The following ERBIN variants were observed in gnomAD, a reference collection of about 807,000 sequenced individuals.
The protein encoded by ERBIN is densin-180-like protein.
ERBIN carries 60 observed loss-of-function variants against 158.4 expected under a neutral mutation model. The ratio of observed to expected loss-of-function variants is 0.38; its 90% CI spans 0.31 to 0.47. ERBIN has a LOEUF of 0.47. ERBIN is among the 20% of genes least tolerant of loss of function. ERBIN has a pLI of 0.99. For missense variants in ERBIN, 1,610 were observed against 1,648.0 expected (o/e 0.98, Z 0.40); for synonymous variants, 594 against 557.2 (o/e 1.07, Z -0.93).
At chr5:65,971,845 G>A (rs866238860) in intron 1 of ERBIN, among the ~76,000 whole-genome samples, 6 of 152,126 alleles carry the variant, frequency 3.9e-5, no homozygotes, top group Non-Finnish European at 7.3e-5. Context: ...TCAGGTGCCC[G>A]TTCCCTTTCC....
intron 21 of ERBIN, among the ~76,000 whole-genome samples, chr5:66,067,452 A>G (rs899600817): frequency 1.3e-5 from 2 of 152,226 alleles, no homozygotes; most frequent in African/African-American, 4.8e-5. Flanking sequence ...ACTCAGGGAC[A>G]TGACTAAAGG....
intron 1 of ERBIN, among the ~76,000 whole-genome samples, chr5:65,953,213 G>A (rs1475562293): frequency 6.6e-6 from 1 of 152,168 alleles, no homozygotes; most frequent in Non-Finnish European, 1.5e-5. Flanking sequence ...GCATACAGTT[G>A]ACTCTTGGTA....
intron 4 of ERBIN, among the ~76,000 whole-genome samples, chr5:65,997,110 A>C (rs1752521874): frequency 6.6e-6 from 1 of 152,100 alleles, no homozygotes; most frequent in Admixed American, 6.6e-5. Flanking sequence ...GAATCCTTTT[A>C]TTTCTTTCTC....
At chr5:66,059,679 A>G (rs1026937558) in intron 21 of ERBIN, among the ~76,000 whole-genome samples, 1 of 152,170 alleles carries the variant, frequency 6.6e-6, no homozygotes, top group Admixed American at 6.5e-5. Context: ...TGGGTTTGTC[A>G]TAGACAGCTC....
intron 7 of ERBIN, among the ~76,000 whole-genome samples, chr5:66,018,404 G>T (rs79014430): frequency 0.015 from 1,393 of 91,514 alleles, 117 homozygotes; most frequent in African/African-American, 0.069. Context: ...TCTTAGGTAT[G>T]TTATATGTAT....
intron 1 of ERBIN, among the ~76,000 whole-genome samples, chr5:65,932,903 C>G (rs1478614161): frequency 6.6e-6 from 1 of 152,054 alleles, no homozygotes; most frequent in African/African-American, 2.4e-5. Context: ...CTCAAGCTAT[C>G]CTGTCACCTC....
At chr5:65,930,445 C>T (rs1561256140) in intron 1 of ERBIN, among the ~76,000 whole-genome samples, 3 of 151,854 alleles carry the variant, frequency 2.0e-5, no homozygotes, top group Non-Finnish European at 2.9e-5. Context: ...GTAGCTGGGA[C>T]TAGAGGCGCC....
intron 14 of ERBIN, among the ~76,000 whole-genome samples, chr5:66,030,741 T>A (rs907372464): frequency 1.3e-5 from 2 of 151,678 alleles, no homozygotes; most frequent in African/African-American, 2.4e-5. Context: ...TTTTTTTTTT[T>A]AACGTTTTTA....
chr5:65,955,131 TAAAA>T (rs982751100), intron 1 of ERBIN, among the ~76,000 whole-genome samples: 3 of 152,050 alleles, frequency 2.0e-5, no homozygotes, highest in Admixed American at 6.6e-5. Context: ...ACTTTTATGT[TAAAA>T]AAAGTCTTAA....
At chr5:65,987,760 G>A (rs911990248) in intron 1 of ERBIN, among the ~76,000 whole-genome samples, 3 of 151,012 alleles carry the variant, frequency 2.0e-5, no homozygotes, top group South Asian at 2.1e-4. Flanking sequence ...CAGGAGAATC[G>A]CTTGAACCTA....
rs184531076 is a variant in ERBIN at position 66,031,761 on chromosome 5, G to A, written c.1206+3418G>A. 2.1e-3 allele frequency among the ~76,000 whole-genome samples: 324 copies of A among 152,288 alleles called. 2 individuals are homozygous for A. Among genetic ancestry groups the A allele is most frequent in the African/African-American group, 7.6e-3 (316 of 41,556 alleles). ...GCTGGAGGATCCTTTGAGCCCAGGA[G>A]TTCTAGGTTATAGTGAGCTATGAGC... On this transcript the variant is annotated intron_variant, in intron 14 of 25. Transcript: ENST00000284037.
chr5:65,965,471 C>G (rs1748495252), intron 1 of ERBIN, among the ~76,000 whole-genome samples: 1 of 144,438 alleles, frequency 6.9e-6, no homozygotes, highest in Non-Finnish European at 1.5e-5. Flanking sequence ...AGTGGGCGAT[C>G]TTGGCTCACT....
intron 7 of ERBIN, among the ~76,000 whole-genome samples, chr5:66,020,435 A>G (rs1436195441): frequency 6.6e-6 from 1 of 151,966 alleles, no homozygotes; most frequent in Non-Finnish European, 1.5e-5. Flanking sequence ...TTAACATATT[A>G]ATGTAATATA....
At position 66,046,412 on chromosome 5, in the gene ERBIN, A is replaced by T. The variant is rs779702171; in HGVS notation, c.1662A>T (p.Ile554=). The T allele has an allele frequency of 6.2e-6, 10 of 1,607,496 alleles. No individual in the cohort carries two copies. The highest frequency in any genetic ancestry group is 8.5e-6 in the Non-Finnish European group (10 of 1,175,756). The change falls in exon 18 of 26, where the codon ATA becomes ATT. Residue 554 remains isoleucine (I), a synonymous_variant. Coordinates refer to ENST00000284037, the MANE Select transcript of ERBIN (RefSeq NM_001253697.2). ...TTGATGAAAGAGAAAAATATATGAT[A>T]GGAAACTCTGTACAGAAGATCAGTG... is the stretch of plus-strand genomic sequence containing the variant. ...SKVDEREKYM[I]GNSVQKISEP... is the part of the protein sequence containing the mutation.
At chr5:66,069,109 G>T in intron 21 of ERBIN, 1 of 1,231,428 alleles carries the variant, frequency 8.1e-7, no homozygotes, top group Non-Finnish European at 1.1e-6. Flanking sequence ...GAAAAAAAAT[G>T]TTTACTCTGG....
Position 66,026,287 on chromosome 5 carries a change from A to G in ERBIN, c.1021-15A>G. 2 of 1,547,580 alleles carry G rather than the reference A, an allele frequency of 1.3e-6. No homozygotes were observed. Among genetic ancestry groups the G allele is most frequent in the Non-Finnish European group, 1.7e-6 (2 of 1,146,196 alleles). ...GGCCAAATTTTTTGATACTCAGTTT[A>G]TATTTCTCTTTCAGATTGGAAGCTG... On this transcript the variant is annotated splice_polypyrimidine_tract_variant and intron_variant, in intron 12 of 25. Coordinates refer to ENST00000284037, the MANE Select transcript of ERBIN (RefSeq NM_001253697.2).
Position 66,028,211 on chromosome 5 carries a change from C to A in ERBIN, c.1137-63C>A, listed in dbSNP as rs886382775. On this transcript the variant is annotated intron_variant, in intron 13 of 25. Transcript: ENST00000284037. ...TTTTCAGAAAACCTTTAGGTTGAAC[C>A]CTCATTCATTTTAAATCTTCTCATT... 22 of 1,247,722 alleles carry A rather than the reference C, an allele frequency of 1.8e-5. No homozygotes were observed. In the East Asian group the frequency reaches 4.9e-4, roughly 28 times the overall value. The allele number at this position is 1,247,722 out of a possible 1,614,324, so 77.3% of individuals were successfully genotyped here. A position where few individuals can be genotyped will look rare whatever the true frequency, so the allele number is the denominator to read the frequency against.
chr5:66,070,081 G>T (rs930119798), intron 21 of ERBIN, among the ~76,000 whole-genome samples: 1 of 151,456 alleles, frequency 6.6e-6, no homozygotes, highest in Non-Finnish European at 1.5e-5. Flanking sequence ...TTTTGTTCTT[G>T]TTGCCCAGGC....
intron 1 of ERBIN, among the ~76,000 whole-genome samples, chr5:65,949,022 C>G (rs1253781466): frequency 2.0e-5 from 3 of 152,004 alleles, no homozygotes; most frequent in African/African-American, 4.8e-5. Context: ...CCTTGGCCTC[C>G]CAGAGTTCTA....
Sources: gnomAD v4.1 joint callset for allele counts (sites outside exome capture counted in the v4.1 genomes callset) on GRCh38, gnomAD v4.1.1 for gene constraint, MANE v1.5 for transcripts, NCBI Gene and HGNC (gene_info 2026-07-23, HGNC 2026-07-21) for gene names.